Variants in CUL2 observed in about 807,000 individuals in gnomAD.
The protein encoded by CUL2 is cullin-2.
In CUL2, 22 loss-of-function variants were observed where a neutral mutation model predicts 110.2. That is an observed-to-expected ratio of 0.20 (90% CI 0.14 to 0.28). The LOEUF is 0.28. CUL2 is among the 10% of genes least tolerant of loss of function. The pLI, the probability that CUL2 is intolerant of heterozygous loss-of-function variation, is 1.00. For synonymous variants in CUL2, 279 were observed against 293.2 expected (o/e 0.95, Z 0.49); for missense variants, 631 against 905.5 (o/e 0.70, Z 3.89).
At chr10:35,125,433 T>A (rs2087748253) in intron 1 of CUL2, among the ~76,000 whole-genome samples, 1 of 152,264 alleles carries the variant, frequency 6.6e-6, no homozygotes, top group African/African-American at 2.4e-5. Flanking sequence ...TTGATTCATA[T>A]GAACTCCTGT....
intron 2 of CUL2, among the ~76,000 whole-genome samples, chr10:35,063,577 A>C (rs184923042): frequency 1.3e-5 from 2 of 152,284 alleles, no homozygotes; most frequent in Admixed American, 6.5e-5. Context: ...ATCAGAAGAA[A>C]TATACCATGA....
At chr10:35,039,864 A>C (rs1025454541) in intron 8 of CUL2, among the ~76,000 whole-genome samples, 1 of 152,002 alleles carries the variant, frequency 6.6e-6, no homozygotes, top group Non-Finnish European at 1.5e-5. Flanking sequence ...CAAAAAAATA[A>C]AAATAAGGCC....
At chr10:35,066,326 G>T (rs540947281) in intron 2 of CUL2, among the ~76,000 whole-genome samples, 1 of 150,308 alleles carries the variant, frequency 6.7e-6, no homozygotes, top group Admixed American at 6.6e-5. Context: ...TTTTTGAGAC[G>T]GAGTTTCGCT....
At chr10:35,045,063 G>A in intron 6 of CUL2, among the ~76,000 whole-genome samples, 195 bp from the exon 7 acceptor site, 1 of 152,070 alleles carries the variant, frequency 6.6e-6, no homozygotes. Context: ...GATAGTTAAT[G>A]TATACATTAG....
chr10:35,044,927 CCCAAAATATG>C (rs1166696155), intron 6 of CUL2, 59 bp from the exon 7 acceptor site: 1 of 1,327,542 alleles, frequency 7.5e-7, no homozygotes, highest in Non-Finnish European at 1.1e-6. Context: ...TGGAAATATA[CCCAAAATATG>C]CCAAAATATG....
rs1369506456 is a variant in CUL2 at position 35,013,564 on chromosome 10, C to A, written c.1989+135G>T. On this transcript the variant is annotated intron_variant, in intron 19 of 20. Coordinates refer to ENST00000374749, the MANE Select transcript of CUL2 (RefSeq NM_003591.4). ...TGACTGTAAGGTTAATAAATGCCAA[C>A]AACAAACCAGAAAAGACATATCCCA... 8.6e-6 allele frequency: 5 copies of A among 578,750 alleles called. No individual in the cohort carries two copies. In the East Asian group the frequency reaches 1.3e-4, roughly 15 times the overall value. The allele number at this position is 578,750 out of a possible 1,614,324, so 35.9% of individuals were successfully genotyped here. A position where few individuals can be genotyped will look rare whatever the true frequency, so the allele number is the denominator to read the frequency against.
intron 1 of CUL2, among the ~76,000 whole-genome samples, chr10:35,117,928 G>A (rs1474245660): frequency 1.3e-5 from 2 of 152,072 alleles, no homozygotes; most frequent in East Asian, 1.9e-4. Flanking sequence ...CAGCAAAAAC[G>A]AGCAGAAAGT....
intron 17 of CUL2, 84 bp from the exon 18 acceptor site, chr10:35,016,478 A>G (rs2085036622): frequency 1.9e-6 from 2 of 1,052,986 alleles, no homozygotes; most frequent in African/African-American, 3.2e-5. Flanking sequence ...TTTTCTTCGG[A>G]AAGAGTGAAC....
chr10:35,117,431 T>A (rs2087622471), intron 1 of CUL2, among the ~76,000 whole-genome samples: 1 of 152,158 alleles, frequency 6.6e-6, no homozygotes, highest in East Asian at 1.9e-4. Flanking sequence ...GGTCTCACTA[T>A]GTTTCCCAGT....
At chr10:35,104,973 C>T (rs2087434106) in intron 1 of CUL2, among the ~76,000 whole-genome samples, 1 of 151,854 alleles carries the variant, frequency 6.6e-6, no homozygotes, top group Admixed American at 6.6e-5. Flanking sequence ...AGATGATCCA[C>T]CCGCCTGGGC....
At chr10:35,101,152 C>T (rs1690599607) in intron 1 of CUL2, 2 of 152,294 alleles carry the variant, frequency 1.3e-5, no homozygotes, top group South Asian at 4.1e-4. Flanking sequence ...CATGAGGTTT[C>T]CAGCCTTCTA....
intron 6 of CUL2, among the ~76,000 whole-genome samples, chr10:35,046,741 A>C (rs2085950908): frequency 6.6e-6 from 1 of 152,000 alleles, no homozygotes; most frequent in Non-Finnish European, 1.5e-5. Flanking sequence ...AAAATACAAA[A>C]ATTAGCTGGG....
rs187063776 is a variant in CUL2, at chr10:35,088,442, A to C, written c.-23+1737T>G. ...AGAATTGCTTGAACTGGGAGGTTGC[A>C]GTGAGCCCAGATCGTGCCACCGCAC... On this transcript the variant is annotated intron_variant, in intron 1 of 20. Coordinates refer to ENST00000374749, the MANE Select transcript of CUL2 (RefSeq NM_003591.4). Among the ~76,000 whole-genome samples, 457 of 142,586 alleles carry C rather than the reference A, an allele frequency of 3.2e-3. 8 individuals carry two copies. The Admixed American group carries it at 0.032, about 10-fold the overall frequency. 93.5% of individuals were successfully genotyped at this position (142,586 alleles called of 152,430 possible). A position where few individuals can be genotyped will look rare whatever the true frequency, so the allele number is the denominator to read the frequency against.
intron 1 of CUL2, among the ~76,000 whole-genome samples, chr10:35,072,839 G>A (rs1222375107): frequency 6.6e-6 from 1 of 152,172 alleles, no homozygotes; most frequent in African/African-American, 2.4e-5. Flanking sequence ...CCTCCCTCAT[G>A]TCTCCCCTTA....
chr10:35,025,078 A>G, intron 17 of CUL2, 54 bp downstream of exon 17: 1 of 1,430,836 alleles, frequency 7.0e-7, no homozygotes, highest in South Asian at 1.6e-5. Context: ...TTTCTAAATT[A>G]ATATAATCAT....
intron 1 of CUL2, among the ~76,000 whole-genome samples, chr10:35,078,127 C>A (rs1384953476): frequency 1.3e-5 from 2 of 152,114 alleles, no homozygotes; most frequent in African/African-American, 2.4e-5. Flanking sequence ...AGAATCTTAA[C>A]TTTCCTGTGA....
At chr10:35,035,653 G>T (rs548349836) in intron 9 of CUL2, among the ~76,000 whole-genome samples, 4 of 152,274 alleles carry the variant, frequency 2.6e-5, no homozygotes, top group African/African-American at 9.6e-5. Context: ...TTTTACAGCT[G>T]CACAGTACTC....
chr10:35,044,446 G>C (rs2085883452), intron 8 of CUL2, 120 bp downstream of exon 8: 1 of 608,574 alleles, frequency 1.6e-6, no homozygotes, highest in Non-Finnish European at 2.7e-6. Context: ...TGATTAAATA[G>C]ATTAAATAAA....
chr10:35,120,879 G>C (rs904361285), intron 1 of CUL2, among the ~76,000 whole-genome samples: 2 of 152,072 alleles, frequency 1.3e-5, no homozygotes, highest in African/African-American at 4.8e-5. Flanking sequence ...CTGGGCCATA[G>C]AGTAAGAGAT....
Sources: allele counts gnomAD v4.1 joint callset (sites outside exome capture counted in the v4.1 genomes callset), GRCh38; gene constraint gnomAD v4.1.1; transcripts MANE v1.5; gene names NCBI Gene and HGNC (gene_info 2026-07-23, HGNC 2026-07-21).